The following SPDL1 variants were observed in gnomAD, a reference collection of about 807,000 sequenced individuals.
The protein encoded by SPDL1 is spindle apparatus coiled-coil protein 1.
In SPDL1, 85 loss-of-function variants were observed where a neutral mutation model predicts 79.5. The ratio of observed to expected loss-of-function variants is 1.07; its 90% confidence interval spans 0.90 to 1.28. The LOEUF (loss-of-function observed/expected upper bound fraction) is 1.28. SPDL1 is among the 50% of genes most tolerant of loss of function. SPDL1 has a pLI of 0.00. For synonymous variants in SPDL1, 269 were observed against 240.3 expected, an observed-to-expected ratio of 1.12 and a Z score of -1.10; for missense variants, 703 against 697.8, an observed-to-expected ratio of 1.01 and a Z score of -0.08.
At chr5:169,600,354 A>G (rs1373693230) in intron 10 of SPDL1, among the ~76,000 whole-genome samples, 2 of 152,198 alleles carry the variant, frequency 1.3e-5, no homozygotes, top group African/African-American at 4.8e-5. Flanking sequence ...AGAATTATCC[A>G]TTATGAATTT....
At chr5:169,589,408 T>G (rs1374316451) in intron 2 of SPDL1, among the ~76,000 whole-genome samples, 1 of 152,160 alleles carries the variant, frequency 6.6e-6, no homozygotes, top group Non-Finnish European at 1.5e-5. Flanking sequence ...CAGCTTCTGA[T>G]TTTATTTACA....
chr5:169,593,303 T>C, intron 3 of SPDL1, 51 bp from the exon 4 acceptor site: 1 of 1,469,554 alleles, frequency 6.8e-7, no homozygotes, highest in African/African-American at 1.4e-5. Flanking sequence ...AGTGATTGTT[T>C]TTAGAAAGAA....
At chr5:169,594,110 A>G (rs1169197137) in intron 4 of SPDL1, 35 bp from the exon 5 acceptor site, 6 of 1,555,026 alleles carry the variant, frequency 3.9e-6, no homozygotes, top group Non-Finnish European at 5.2e-6. Flanking sequence ...AGATTATTCA[A>G]GAGAATTTCC....
chr5:169,594,341 A>G, intron 5 of SPDL1, 47 bp downstream of exon 5: 2 of 1,612,176 alleles, frequency 1.2e-6, no homozygotes, highest in Non-Finnish European at 1.7e-6. Context: ...ATCATAACTT[A>G]TTTTCTTGCT....
intron 10 of SPDL1, among the ~76,000 whole-genome samples, chr5:169,599,565 A>G (rs994223635): frequency 2.0e-5 from 3 of 152,186 alleles, no homozygotes; most frequent in Non-Finnish European, 2.9e-5. Context: ...GTGGGTCTTT[A>G]TCTCTGCCTC....
In SPDL1 at chr5:169,591,230, G is replaced by T; in HGVS notation, c.336+6G>T. On this transcript the variant is annotated splice_donor_region_variant and intron_variant, in intron 3 of 11. Coordinates refer to ENST00000265295, the MANE Select transcript of SPDL1 (RefSeq NM_017785.5). ...TGAATGAACTAAAAACTAAGGTTGGGATATCTGCGTATTTCAGCACAAAAT... is the reference window on the plus strand; with the variant it reads ...TGAATGAACTAAAAACTAAGGTTGGTATATCTGCGTATTTCAGCACAAAAT... 3 of 1,611,038 alleles carry T rather than the reference G, an allele frequency of 1.9e-6. No individual in the cohort carries two copies. The highest frequency in any genetic ancestry group is 2.5e-6 in the Non-Finnish European group (3 of 1,178,584).
chr5:169,597,006 C>T (rs1755620762), intron 8 of SPDL1, among the ~76,000 whole-genome samples: 1 of 152,068 alleles, frequency 6.6e-6, no homozygotes, highest in African/African-American at 2.4e-5. Flanking sequence ...ATCAGTATAG[C>T]CTCATGGATT....
At chr5:169,598,001 C>T (rs1212894622) in intron 8 of SPDL1, among the ~76,000 whole-genome samples, 2 of 151,832 alleles carry the variant, frequency 1.3e-5, no homozygotes, top group South Asian at 2.1e-4. Flanking sequence ...TTCCATCAGT[C>T]TCAGAAGAGC....
In SPDL1 at chr5:169,588,380, T is replaced by G. The variant is rs892318523; in HGVS notation, c.-23-14T>G. On this transcript the variant is annotated splice_polypyrimidine_tract_variant and intron_variant, in intron 1 of 11. Coordinates refer to ENST00000265295, the MANE Select transcript of SPDL1 (RefSeq NM_017785.5). ...TTGTATAAGCTTAAGTAGTTTTATTTCCTCTATTTACAGTTGGCTAAAAAA... is the reference window on the plus strand; with the variant it reads ...TTGTATAAGCTTAAGTAGTTTTATTGCCTCTATTTACAGTTGGCTAAAAAA... The G allele has an allele frequency of 1.9e-6, 3 of 1,556,510 alleles. No homozygotes were observed. The highest frequency in any genetic ancestry group is 1.4e-5 in the African/African-American group (1 of 72,266).
At chr5:169,589,052 A>G (rs917292492) in intron 2 of SPDL1, among the ~76,000 whole-genome samples, 1 of 152,172 alleles carries the variant, frequency 6.6e-6, no homozygotes, top group Non-Finnish European at 1.5e-5. Flanking sequence ...ATATAATAGC[A>G]TTCAGTTTCT....
At chr5:169,593,051 G>A (rs1272463755) in intron 3 of SPDL1, among the ~76,000 whole-genome samples, 1 of 151,998 alleles carries the variant, frequency 6.6e-6, no homozygotes, top group Non-Finnish European at 1.5e-5. Flanking sequence ...CTTCTGACCA[G>A]GTTGCTTGCT....
intron 11 of SPDL1, 82 bp downstream of exon 11, chr5:169,601,707 C>A: frequency 8.2e-7 from 1 of 1,221,716 alleles, no homozygotes; most frequent in Non-Finnish European, 1.2e-6. Context: ...CTGTCTGTTT[C>A]TTTATCTACT....
intron 8 of SPDL1, 48 bp from the exon 9 acceptor site, chr5:169,598,428 C>A (rs770946006): frequency 1.5e-5 from 18 of 1,190,902 alleles, no homozygotes; most frequent in East Asian, 1.4e-4. Flanking sequence ...CATACACTAA[C>A]CTTATTTGTT....
In SPDL1 at chr5:169,596,710, A is replaced by G; in HGVS notation, c.1032+9A>G. 2 of 1,558,498 alleles carry G rather than the reference A, an allele frequency of 1.3e-6. No individual in the cohort carries two copies. The highest frequency in any genetic ancestry group is 1.7e-6 in the Non-Finnish European group (2 of 1,161,982). On this transcript the variant is annotated intron_variant, in intron 8 of 11. Transcript: ENST00000265295. Reference sequence around the variant, plus strand: ...ATCTGGAGAAATTTAAGGTATGTATAACAGTTAAAAAAACACACATCCAAA... The same window carrying G: ...ATCTGGAGAAATTTAAGGTATGTATGACAGTTAAAAAAACACACATCCAAA...
chr5:169,589,690 C>CT (rs566874398), intron 2 of SPDL1, among the ~76,000 whole-genome samples: 37 of 150,654 alleles, frequency 2.5e-4, no homozygotes, highest in South Asian at 1.1e-3. Context: ...CCCTGATTCA[C>CT]TTTTTTTTTC....
chr5:169,601,550 G>A lies in SPDL1; in HGVS notation c.1595G>A (p.Cys532Tyr). 6.2e-7 allele frequency: 1 copy of A among 1,614,174 alleles called. No individual in the cohort carries two copies. Among genetic ancestry groups the A allele is most frequent in the South Asian group, 1.1e-5 (1 of 91,080 alleles). ...ATGCAGCTGAAGAAGGAAAAGAAATGTGTGAAACTCATAGGAGTTCCCGCT... is the reference window on the plus strand; with the variant it reads ...ATGCAGCTGAAGAAGGAAAAGAAATATGTGAAACTCATAGGAGTTCCCGCT... ...VDMQLKKEKK[C>Y]VKLIGVPADA... Residue 532 changes from cysteine to tyrosine, a missense_variant, in exon 11 of 12, where the codon TGT becomes TAT. Coordinates refer to ENST00000265295, the MANE Select transcript of SPDL1 (RefSeq NM_017785.5).
intron 11 of SPDL1, chr5:169,602,046 T>G (rs1402107714): frequency 4.1e-6 from 1 of 241,456 alleles, no homozygotes; most frequent in Non-Finnish European, 8.2e-6. Flanking sequence ...ATTTTTTATG[T>G]CTTTTGAATT....
At chr5:169,594,777 G>C in intron 7 of SPDL1, 96 bp downstream of exon 7, 1 of 743,206 alleles carries the variant, frequency 1.3e-6, no homozygotes. Flanking sequence ...TCTGCAAGGA[G>C]TGTACTTATA....
intron 7 of SPDL1, among the ~76,000 whole-genome samples, 191 bp downstream of exon 7, chr5:169,594,872 T>C (rs1157144894): frequency 4.6e-5 from 7 of 152,218 alleles, no homozygotes; most frequent in Non-Finnish European, 1.0e-4. Context: ...TTGGAATAAA[T>C]ATTTAGTAAT....
Sources: allele counts gnomAD v4.1 joint callset (sites outside exome capture counted in the v4.1 genomes callset), GRCh38; gene constraint gnomAD v4.1.1; transcripts MANE v1.5; gene names NCBI Gene and HGNC (gene_info 2026-07-23, HGNC 2026-07-21).